Variants in CRYBG3 observed in about 807,000 individuals in gnomAD.
CRYBG3 encodes very large A-kinase anchor protein.
In CRYBG3, 127 loss-of-function variants were observed where a neutral mutation model predicts 244.2. The ratio of observed to expected loss-of-function variants is 0.52; its 90% CI spans 0.45 to 0.60. The LOEUF (loss-of-function observed/expected upper bound fraction) is 0.60, where lower values mean the gene tolerates loss of function less well. CRYBG3 is among the 20% of genes least tolerant of loss of function. The probability of loss-of-function intolerance (pLI) is 0.00; values close to 1 mark genes in which losing one functional copy is unlikely to be tolerated. For synonymous variants in CRYBG3, 1,132 were observed against 1,195.8 expected, an observed-to-expected ratio of 0.95 and a Z score of 1.10; for missense variants, 3,325 against 3,442.5, an observed-to-expected ratio of 0.97 and a Z score of 0.85.
chr3:97,942,624 C>A, intron 21 of CRYBG3, 181 bp downstream of exon 21: 1 of 563,736 alleles, frequency 1.8e-6, no homozygotes. Context: ...AAAAGCCAAA[C>A]AACAAAGCTT....
chr3:97,867,317 T>C (rs2039245731), intron 3 of CRYBG3: 1 of 152,204 alleles, frequency 6.6e-6, no homozygotes, highest in Non-Finnish European at 1.5e-5. Flanking sequence ...AAGCAACCTG[T>C]TATGCTTTGA....
At chr3:97,890,720 A>C (rs1559734617) in intron 10 of CRYBG3, among the ~76,000 whole-genome samples, 1 of 152,150 alleles carries the variant, frequency 6.6e-6, no homozygotes, top group Non-Finnish European at 1.5e-5. Flanking sequence ...CTTTTGATTT[A>C]GTGTTTTTAA....
chr3:97,934,566 A>G (rs951792656), intron 18 of CRYBG3, among the ~76,000 whole-genome samples: 5 of 152,100 alleles, frequency 3.3e-5, no homozygotes, highest in African/African-American at 4.8e-5. Context: ...AAGTTTTTCT[A>G]TGGCTTTGAA....
At chr3:97,856,243 C>A (rs895572407) in intron 2 of CRYBG3, among the ~76,000 whole-genome samples, 1 of 152,156 alleles carries the variant, frequency 6.6e-6, no homozygotes, top group South Asian at 2.1e-4. Context: ...AGCTCACCAG[C>A]GGTCAGAGTT....
intron 1 of CRYBG3, among the ~76,000 whole-genome samples, chr3:97,824,180 A>G (rs1453821281): frequency 6.6e-6 from 1 of 152,224 alleles, no homozygotes; most frequent in Non-Finnish European, 1.5e-5. Context: ...TGAAAGTTTA[A>G]TAAAACAAAT....
In CRYBG3 at chr3:97,884,272, G is replaced by A. The variant is rs73851085; in HGVS notation, c.7153-2359G>A. Among the ~76,000 whole-genome samples, 988 of 152,194 alleles carry A rather than the reference G, an allele frequency of 6.5e-3. 8 individuals carry two copies. Among genetic ancestry groups the A allele is most frequent in the African/African-American group, 0.022 (903 of 41,554 alleles). On this transcript the variant is annotated intron_variant, in intron 7 of 21. Coordinates refer to ENST00000389622, the MANE Select transcript of CRYBG3 (RefSeq NM_153605.4). ...AATTGGGGGTGAAGGTAGTAGTGTGGTGAATCTTGATTCAAGTGCTTTCAT... is the reference window on the plus strand; with the variant it reads ...AATTGGGGGTGAAGGTAGTAGTGTGATGAATCTTGATTCAAGTGCTTTCAT...
rs1031541404 is a variant in CRYBG3 at position 97,876,844 on chromosome 3, G to A, written c.5650G>A (p.Gly1884Arg). 2.8e-5 allele frequency: 39 copies of A among 1,377,984 alleles called. No homozygotes were observed. Among genetic ancestry groups the A allele is most frequent in the Non-Finnish European group, 3.7e-5 (39 of 1,068,018 alleles). The allele number at this position is 1,377,984 out of a possible 1,614,324, so 85.4% of individuals were successfully genotyped here. ...AGGACTAGAATTGACCACTAAACAA[G>A]GGGAGGCCATGCTTCCTGCATTTGA... ...GTGLELTTKQ[G>R]EAMLPAFESK... Residue 1884 changes from glycine to arginine, a missense_variant, in exon 4 of 22, where the codon GGG becomes AGG. Physicochemically the swap from Gly to Arg is moderately radical, Grantham distance 125. Around this residue, in one of 4 missense-constraint regions of CRYBG3, gnomAD observed 635 missense variants for 771.7 expected, o/e 0.82. Coordinates refer to ENST00000389622, the MANE Select transcript of CRYBG3 (RefSeq NM_153605.4).
intron 15 of CRYBG3, among the ~76,000 whole-genome samples, chr3:97,910,193 G>A (rs2039850443): frequency 6.6e-6 from 1 of 151,214 alleles, no homozygotes; most frequent in Admixed American, 6.6e-5. Context: ...GGTTACTGCT[G>A]TCTTTTTGTT....
At position 97,872,543 on chromosome 3, in the gene CRYBG3, A is replaced by G; in HGVS notation, c.1349A>G (p.Gln450Arg). The G allele has an allele frequency of 6.5e-7, 1 of 1,535,980 alleles. No individual in the cohort carries two copies. The change falls in exon 4 of 22, where the codon CAG becomes CGG. Residue 450 changes from glutamine (Q) to arginine (R), a missense_variant. Around this residue, in one of 4 missense-constraint regions of CRYBG3, gnomAD observed 1,526 missense variants for 1,443.2 expected, o/e 1.06. Transcript: ENST00000389622. ...SKSDGSDTTE[Q>R]ESTNLPSPNK... The stretch of plus-strand genomic sequence containing the variant: ...TCTGATGGGAGTGACACTACTGAGC[A>G]GGAAAGTACAAATTTGCCAAGTCCA...
chr3:97,897,676 T>C (rs34821044), intron 12 of CRYBG3, among the ~76,000 whole-genome samples: 36,648 of 152,000 alleles, frequency 0.24, 4,741 homozygotes, highest in Middle Eastern at 0.33. Flanking sequence ...TATTAAACCA[T>C]TTTTTTGGAC....
rs974915110 is a variant in CRYBG3, at chr3:97,943,675, T to C, written c.*361T>C. On this transcript the variant is annotated 3_prime_UTR_variant, in exon 22 of 22. Transcript: ENST00000389622. ...CACTGGTGATGCTATTATCCTGTAT[T>C]ATTTATTAATATCCTACCTAGATGC... is the stretch of plus-strand genomic sequence containing the variant. 2 of 206,176 alleles carry C rather than the reference T, an allele frequency of 9.7e-6. No homozygotes were observed. Among genetic ancestry groups the C allele is most frequent in the African/African-American group, 4.8e-5 (2 of 42,034 alleles). The allele number at this position is 206,176 out of a possible 1,614,324, so 12.8% of individuals were successfully genotyped here. A position where few individuals can be genotyped will look rare whatever the true frequency, so the allele number is the denominator to read the frequency against.
At chr3:97,888,078 A>T (rs1239262285) in intron 8 of CRYBG3, among the ~76,000 whole-genome samples, 3 of 152,218 alleles carry the variant, frequency 2.0e-5, no homozygotes, top group Admixed American at 2.0e-4. Context: ...GTATCAGAAA[A>T]ATAAAAGTAA....
intron 8 of CRYBG3, among the ~76,000 whole-genome samples, chr3:97,887,272 C>T (rs1027473091): frequency 7.2e-5 from 11 of 152,206 alleles, no homozygotes; most frequent in African/African-American, 2.7e-4. Flanking sequence ...TCTGTTAGGA[C>T]TATGGGTCTA....
chr3:97,879,479 C>A (rs2039420722), intron 4 of CRYBG3, among the ~76,000 whole-genome samples: 1 of 152,142 alleles, frequency 6.6e-6, no homozygotes, highest in South Asian at 2.1e-4. Context: ...CAAATATGAT[C>A]ATCTGTTTGA....
rs2039193255 is a variant in CRYBG3, at chr3:97,864,304, T to C, written c.304T>C (p.Ser102Pro). 2.6e-6 allele frequency: 4 copies of C among 1,535,844 alleles called. No homozygotes were observed. In the African/African-American group the frequency reaches 4.1e-5, roughly 16 times the overall value. ...QEDPKKAYDL[S>P]SSTSDTKIGE... is the part of the protein sequence containing the mutation. ...AGATCCCAAAAAGGCATATGATCTT[T>C]CCAGTTCCACTTCAGATACCAAAAT... is the stretch of plus-strand genomic sequence containing the variant. Residue 102 changes from serine to proline, a missense_variant, in exon 3 of 22, where the codon TCC (serine) becomes CCC (proline). By Grantham distance (74) the Ser-to-Pro change is moderately conservative. Around this residue, in one of 4 missense-constraint regions of CRYBG3, gnomAD observed 1,526 missense variants for 1,443.2 expected, o/e 1.06. Transcript: ENST00000389622.
intron 14 of CRYBG3, among the ~76,000 whole-genome samples, chr3:97,899,693 C>T (rs2039682775): frequency 6.6e-6 from 1 of 152,120 alleles, no homozygotes; most frequent in Admixed American, 6.6e-5. Context: ...GAAGACCTTG[C>T]CACAGAATAG....
In CRYBG3 at chr3:97,822,227, G is replaced by T. The variant is rs892010568; in HGVS notation, c.21G>T (p.Arg7Ser). 1 of 1,527,530 alleles carries T rather than the reference G, an allele frequency of 6.5e-7. No individual in the cohort carries two copies. Among genetic ancestry groups the T allele is most frequent in the Non-Finnish European group, 8.7e-7 (1 of 1,143,216 alleles). 94.6% of individuals were successfully genotyped at this position (1,527,530 alleles called of 1,614,324 possible). The change falls in exon 1 of 22, where the codon AGG (arginine) becomes AGT (serine). Residue 7 changes from arginine to serine, a missense_variant. Physicochemically the swap from Arg to Ser is moderately radical, Grantham distance 110. Transcript: ENST00000389622. Reference sequence around the variant, plus strand: ...GGGAAATGTCCAGCGGCCGCAGAAGGGGCAGCGCCCCCTGGCACAGCTTCT... The same window carrying T: ...GGGAAATGTCCAGCGGCCGCAGAAGTGGCAGCGCCCCCTGGCACAGCTTCT... MSSGRR[R>S]GSAPWHSFSR...
At position 97,889,286 on chromosome 3, in the gene CRYBG3, T is replaced by C. The variant is rs1040740885; in HGVS notation, c.7405-69T>C. 7 of 1,204,810 alleles carry C rather than the reference T, an allele frequency of 5.8e-6. No homozygotes were observed. In the African/African-American group the frequency reaches 1.1e-4, roughly 18 times the overall value. The allele number at this position is 1,204,810 out of a possible 1,614,324, so 74.6% of individuals were successfully genotyped here. A position where few individuals can be genotyped will look rare whatever the true frequency, so the allele number is the denominator to read the frequency against. On this transcript the variant is annotated intron_variant, in intron 9 of 21. Coordinates refer to ENST00000389622, the MANE Select transcript of CRYBG3 (RefSeq NM_153605.4). ...TTTTTATGTAACCTACATATATCAC[T>C]TTCAGATATTACATTCAAATGTTTT...
chr3:97,908,495 T>C (rs985812319), intron 15 of CRYBG3, among the ~76,000 whole-genome samples: 1 of 152,220 alleles, frequency 6.6e-6, no homozygotes, highest in African/African-American at 2.4e-5. Flanking sequence ...CCCTTACCAT[T>C]ATGTATTGGC....
Sources: allele counts gnomAD v4.1 joint callset (sites outside exome capture counted in the v4.1 genomes callset), GRCh38; gene constraint gnomAD v4.1.1; regional missense constraint gnomAD v4.1.1; transcripts MANE v1.5; gene names NCBI Gene and HGNC (gene_info 2026-07-23, HGNC 2026-07-21).